Variants in CLASP1 observed in about 807,000 individuals in gnomAD.
CLASP1 encodes the protein CLIP-associating protein 1.
In CLASP1, 38 loss-of-function variants were observed where a neutral mutation model predicts 192.3. The ratio of observed to expected loss-of-function variants is 0.20; its 90% confidence interval spans 0.15 to 0.26. The LOEUF is 0.26. Ranked by LOEUF, CLASP1 falls within the 10% of genes least tolerant of loss-of-function variation. The pLI, the probability that CLASP1 is intolerant of heterozygous loss-of-function variation, is 1.00. For missense variants in CLASP1, 1,433 were observed against 1,932.5 expected (o/e 0.74, Z 4.85); for synonymous variants, 691 against 712.8 (o/e 0.97, Z 0.49).
chr2:121,370,100 A>C (rs2068298594), intron 34 of CLASP1, among the ~76,000 whole-genome samples: 1 of 152,058 alleles, frequency 6.6e-6, no homozygotes, highest in South Asian at 2.1e-4. Context: ...CCCTATGTTG[A>C]ATGTCTTCAT....
chr2:121,364,073 T>C (rs1237577242), intron 36 of CLASP1: 2 of 152,248 alleles, frequency 1.3e-5, no homozygotes, highest in East Asian at 3.8e-4. Context: ...TAAAAGTATT[T>C]TTAAAAAGTT....
intron 33 of CLASP1, among the ~76,000 whole-genome samples, chr2:121,380,883 C>T (rs1407662945): frequency 6.6e-6 from 1 of 152,066 alleles, no homozygotes. Context: ...GAAAGATGAT[C>T]CTAGGAATGG....
chr2:121,484,427 T>C (rs770616245), intron 8 of CLASP1, among the ~76,000 whole-genome samples: 1 of 152,198 alleles, frequency 6.6e-6, no homozygotes, highest in Non-Finnish European at 1.5e-5. Context: ...ACCCAATTTA[T>C]AAGCACCAAC....
intron 39 of CLASP1, among the ~76,000 whole-genome samples, chr2:121,345,611 A>C (rs1395113548): frequency 6.6e-6 from 1 of 152,200 alleles, no homozygotes; most frequent in African/African-American, 2.4e-5. Context: ...TCTTTCAGAT[A>C]ATTAGGAAGG....
At chr2:121,388,071 A>C (rs1558991549) in intron 30 of CLASP1, 165 bp from the exon 32 acceptor site, 2 of 544,846 alleles carry the variant, frequency 3.7e-6, no homozygotes, top group East Asian at 6.1e-5. Flanking sequence ...AATCACAAGC[A>C]GTCTGACTTC....
intron 8 of CLASP1, among the ~76,000 whole-genome samples, chr2:121,494,083 C>A (rs2093432115): frequency 6.6e-6 from 1 of 152,178 alleles, no homozygotes. Flanking sequence ...TACGATCCAG[C>A]AATCCCACTG....
chr2:121,604,432 G>A (rs994985588), intron 2 of CLASP1, among the ~76,000 whole-genome samples: 1 of 152,332 alleles, frequency 6.6e-6, no homozygotes, highest in Admixed American at 6.5e-5. Context: ...ATTTTGGGAG[G>A]AGGAGGCGGG....
intron 2 of CLASP1, among the ~76,000 whole-genome samples, chr2:121,566,561 G>C (rs2059520851): frequency 6.6e-6 from 1 of 152,202 alleles, no homozygotes; most frequent in African/African-American, 2.4e-5. Context: ...AGGTGAGCGA[G>C]ATTCAAAGCT....
At chr2:121,637,017 C>T (rs1011399383) in intron 1 of CLASP1, among the ~76,000 whole-genome samples, 3 of 152,058 alleles carry the variant, frequency 2.0e-5, no homozygotes, top group Admixed American at 1.3e-4. Flanking sequence ...AGACTAGGCA[C>T]CAGAGTGATG....
chr2:121,488,832 A>C (rs1019637121), intron 8 of CLASP1, among the ~76,000 whole-genome samples: 4 of 152,240 alleles, frequency 2.6e-5, no homozygotes, highest in African/African-American at 9.6e-5. Flanking sequence ...CTTGTTTCCT[A>C]TCACGACTGC....
intron 34 of CLASP1, among the ~76,000 whole-genome samples, chr2:121,370,710 A>G (rs1286349818): frequency 6.6e-6 from 1 of 152,098 alleles, no homozygotes; most frequent in African/African-American, 2.4e-5. Flanking sequence ...GACATGCAGC[A>G]TCTTCATGGC....
intron 8 of CLASP1, among the ~76,000 whole-genome samples, chr2:121,487,651 C>A (rs2093061714): frequency 6.6e-6 from 1 of 152,196 alleles, no homozygotes; most frequent in South Asian, 2.1e-4. Flanking sequence ...CATGTTTCCA[C>A]AGAGCTTATG....
At chr2:121,451,705 C>G (rs369402957) in intron 15 of CLASP1, 85 bp downstream of exon 15, 14 of 1,054,426 alleles carry the variant, frequency 1.3e-5, no homozygotes, top group Non-Finnish European at 2.0e-5. Context: ...TCCATTCTTA[C>G]AGAAAGCCAG....
chr2:121,647,332 C>T (rs2073358462), intron 1 of CLASP1, among the ~76,000 whole-genome samples: 1 of 152,186 alleles, frequency 6.6e-6, no homozygotes, highest in African/African-American at 2.4e-5. Flanking sequence ...TGCACCATTG[C>T]ACTTCAGCCT....
chr2:121,434,234 TTTATC>T (rs755005494), intron 19 of CLASP1, among the ~76,000 whole-genome samples: 3 of 152,158 alleles, frequency 2.0e-5, no homozygotes, highest in Non-Finnish European at 2.9e-5. Flanking sequence ...CTGTCATAGG[TTTATC>T]TTACCTTAAT....
chr2:121,614,184 C>A lies in CLASP1; in HGVS notation c.-285-8004G>T, dbSNP rs1003471137. 4.6e-5 allele frequency among the ~76,000 whole-genome samples: 7 copies of A among 152,308 alleles called. No homozygotes were observed. The South Asian group carries it at 6.2e-4, about 14-fold the overall frequency. On this transcript the variant is annotated intron_variant, in intron 1 of 39. Transcript: ENST00000263710. ...ACAATCTATTGGTAAAAGCAAGTCACAAGGCCAGTCCGCATTAAAAGTGTG... is the reference window on the plus strand; with the variant it reads ...ACAATCTATTGGTAAAAGCAAGTCAAAAGGCCAGTCCGCATTAAAAGTGTG...
At chr2:121,530,310 T>C in exon 3 of CLASP1, 2 of 1,551,240 alleles carry the variant, frequency 1.3e-6, no homozygotes, top group Non-Finnish European at 1.7e-6. Flanking sequence ...AGGATGTCCA[T>C]GCCCAGCAGA....
chr2:121,571,342 G>C (rs12615791), intron 2 of CLASP1, among the ~76,000 whole-genome samples: 30,725 of 151,694 alleles, frequency 0.2, 5,814 homozygotes, highest in African/African-American at 0.5. Context: ...TGCCCAGCTA[G>C]TTTTTTGATT....
intron 37 of CLASP1, among the ~76,000 whole-genome samples, chr2:121,357,675 C>G (rs1261179962): frequency 6.6e-6 from 1 of 152,220 alleles, no homozygotes; most frequent in Non-Finnish European, 1.5e-5. Context: ...CAGGAGCAGC[C>G]GCCACCACAG....
Sources: allele counts gnomAD v4.1 joint callset (sites outside exome capture counted in the v4.1 genomes callset), GRCh38; gene constraint gnomAD v4.1.1; transcripts MANE v1.5; gene names NCBI Gene and HGNC (gene_info 2026-07-23, HGNC 2026-07-21).